Variants in GBF1 observed in about 807,000 individuals in gnomAD.
GBF1 encodes Golgi-specific brefeldin A-resistance guanine nucleotide exchange factor 1.
Under a neutral mutation model 210.5 loss-of-function variants are expected in GBF1, and 114 were observed. The ratio of observed to expected loss-of-function variants is 0.54; its 90% confidence interval spans 0.47 to 0.63. The LOEUF (loss-of-function observed/expected upper bound fraction) is 0.63, where lower values mean the gene tolerates loss of function less well. GBF1 is among the 30% of genes least tolerant of loss of function. The probability of loss-of-function intolerance (pLI) is 0.00; values close to 1 mark genes in which losing one functional copy is unlikely to be tolerated. For synonymous variants in GBF1, 850 were observed against 889.2 expected (o/e 0.96, Z 0.78); for missense variants, 1,851 against 2,357.7 (o/e 0.79, Z 4.45).
At chr10:102,287,659 A>G (rs576203989) in intron 3 of GBF1, among the ~76,000 whole-genome samples, 53 of 152,280 alleles carry the variant, frequency 3.5e-4, no homozygotes, top group African/African-American at 1.3e-3. Context: ...AGTTCCTCAC[A>G]ATGTGGGCCT....
intron 4 of GBF1, among the ~76,000 whole-genome samples, chr10:102,348,472 A>G (rs1030863049): frequency 6.6e-6 from 1 of 152,246 alleles, no homozygotes; most frequent in African/African-American, 2.4e-5. Context: ...GATGGGAACA[A>G]GGCTACTATT....
rs750838985 is a variant in GBF1 at position 102,366,298 on chromosome 10, A to T, written c.2310-85A>T. On this transcript the variant is annotated intron_variant, in intron 18 of 39. Coordinates refer to ENST00000369983, the MANE Select transcript of GBF1 (RefSeq NM_001377137.1). This position sits in a 1 kb window ranked among gnomAD's most constrained non-coding sequence, Gnocchi z 4.0. ...CCTCAGCCTCCTCTCTTCCAGTAAGAGTAGGTTAGGAGGACAGTGACTAAA... is the reference window on the plus strand; with the variant it reads ...CCTCAGCCTCCTCTCTTCCAGTAAGTGTAGGTTAGGAGGACAGTGACTAAA... 4.9e-6 allele frequency: 7 copies of T among 1,441,412 alleles called. No homozygotes were observed. In the Admixed American group the frequency reaches 5.2e-5, roughly 11 times the overall value. The allele number at this position is 1,441,412 out of a possible 1,614,324, so 89.3% of individuals were successfully genotyped here.
chr10:102,283,967 C>T (rs1307520423), intron 3 of GBF1, among the ~76,000 whole-genome samples: 1 of 152,150 alleles, frequency 6.6e-6, no homozygotes, highest in Non-Finnish European at 1.5e-5. Flanking sequence ...TTCAGTGAGC[C>T]TCCAGTGGGA....
At chr10:102,359,502 G>A in intron 11 of GBF1, 67 bp downstream of exon 11, 1 of 1,245,974 alleles carries the variant, frequency 8.0e-7, no homozygotes, top group South Asian at 1.2e-5. Context: ...CCTGAGCCTA[G>A]ACCGTCTTAA....
chr10:102,319,164 A>G (rs1409650074), intron 3 of GBF1, among the ~76,000 whole-genome samples: 1 of 152,060 alleles, frequency 6.6e-6, no homozygotes, highest in Admixed American at 6.6e-5. Flanking sequence ...AAAAATACAA[A>G]ACAAAATTAG....
At chr10:102,337,196 G>A (rs975791279) in intron 3 of GBF1, among the ~76,000 whole-genome samples, 19 of 151,798 alleles carry the variant, frequency 1.3e-4, no homozygotes, top group African/African-American at 4.6e-4. Context: ...GGCTAACGCG[G>A]CGAAACCCCA....
intron 33 of GBF1, among the ~76,000 whole-genome samples, chr10:102,378,555 T>C (rs945764707): frequency 2.0e-5 from 3 of 152,194 alleles, no homozygotes; most frequent in East Asian, 1.9e-4. Context: ...GGAGGATTTC[T>C]TGAGCCTAGG....
At chr10:102,338,740 A>T (rs1015341356) in intron 3 of GBF1, among the ~76,000 whole-genome samples, 1 of 151,954 alleles carries the variant, frequency 6.6e-6, no homozygotes, top group Admixed American at 6.6e-5. Flanking sequence ...TGAGGTTGGG[A>T]GTTTGAGACC....
chr10:102,368,329 G>T lies in GBF1; in HGVS notation c.2754G>T (p.Val918=). Reference sequence around the variant, plus strand: ...CCCCTGAGGGCATATTCCTGCGTGTGCCTACTGCCAGCTATGATCTTGACC... The same window carrying T: ...CCCCTGAGGGCATATTCCTGCGTGTTCCTACTGCCAGCTATGATCTTGACC... ...GATPEGIFLR[V]PTASYDLDLF... is the part of the protein sequence containing the mutation. Residue 918 remains valine, a synonymous_variant, in exon 22 of 40, where the codon GTG becomes GTT. Coordinates refer to ENST00000369983, the MANE Select transcript of GBF1 (RefSeq NM_001377137.1). 6.2e-7 allele frequency: 1 copy of T among 1,613,646 alleles called. No individual in the cohort carries two copies. The highest frequency in any genetic ancestry group is 1.1e-5 in the South Asian group (1 of 91,070).
Position 102,367,220 on chromosome 10 carries a change from G to A in GBF1, c.2559+10G>A, listed in dbSNP as rs1326947931. On this transcript the variant is annotated intron_variant, in intron 20 of 39. Coordinates refer to ENST00000369983, the MANE Select transcript of GBF1 (RefSeq NM_001377137.1). Reference sequence around the variant, plus strand: ...ACCCATGACCCTGGAGGTAAGCTTGGGTCCCAGTCAAGGCAAAGAAGACCC... The same window carrying A: ...ACCCATGACCCTGGAGGTAAGCTTGAGTCCCAGTCAAGGCAAAGAAGACCC... 2.5e-6 allele frequency: 4 copies of A among 1,613,578 alleles called. No homozygotes were observed. The highest frequency in any genetic ancestry group is 3.4e-6 in the Non-Finnish European group (4 of 1,179,740).
At chr10:102,300,976 C>CTTTTTT (rs11413620) in intron 3 of GBF1, among the ~76,000 whole-genome samples, 9 of 136,226 alleles carry the variant, frequency 6.6e-5, no homozygotes, top group African/African-American at 8.2e-5. Context: ...ATTTTCTTTT[C>CTTTTTT]TTTTTTTTTT....
At chr10:102,346,659 C>T (rs1222554222) in intron 4 of GBF1, among the ~76,000 whole-genome samples, 1 of 152,180 alleles carries the variant, frequency 6.6e-6, no homozygotes, top group African/African-American at 2.4e-5. Flanking sequence ...AGGCACACGC[C>T]ACCACACCCA....
At chr10:102,308,619 G>A (rs971550856) in intron 3 of GBF1, among the ~76,000 whole-genome samples, 3 of 150,488 alleles carry the variant, frequency 2.0e-5, no homozygotes, top group South Asian at 2.1e-4. Context: ...GTAAACTATC[G>A]CAAGGACAAA....
rs780572774 is a variant in GBF1, at chr10:102,302,379, A to G, written c.164-41672A>G. On this transcript the variant is annotated intron_variant, in intron 3 of 39. Coordinates refer to ENST00000369983, the MANE Select transcript of GBF1 (RefSeq NM_001377137.1). Reference sequence around the variant, plus strand: ...ATTGTATACTTTAAAGGAGTGAACTATATCTCAATATATAAGGGGTGAGTT... The same window carrying G: ...ATTGTATACTTTAAAGGAGTGAACTGTATCTCAATATATAAGGGGTGAGTT... Among the ~76,000 whole-genome samples the G allele has an allele frequency of 7.9e-5, 12 of 152,230 alleles. 1 individual carries two copies. Among genetic ancestry groups the G allele is most frequent in the Non-Finnish European group, 1.5e-4 (10 of 68,042 alleles).
At chr10:102,231,554 G>A in the GBF1 span, 7 of 1,428,830 alleles carry the variant, frequency 4.9e-6, no homozygotes, top group Non-Finnish European at 4.8e-6. Flanking sequence ...CGGAGGGCCC[G>A]CGCGGGTGCG....
At chr10:102,321,350 A>C (rs998675293) in intron 3 of GBF1, among the ~76,000 whole-genome samples, 5 of 151,152 alleles carry the variant, frequency 3.3e-5, no homozygotes, top group Non-Finnish European at 5.9e-5. Context: ...AAGTGTATTA[A>C]TTTGCATCTT....
chr10:102,297,157 A>T (rs963306452), intron 3 of GBF1, among the ~76,000 whole-genome samples: 1 of 152,262 alleles, frequency 6.6e-6, no homozygotes, highest in African/African-American at 2.4e-5. Flanking sequence ...TTGGTCCCCA[A>T]GTGACATTTC....
At chr10:102,332,532 C>T (rs1218383491) in intron 3 of GBF1, among the ~76,000 whole-genome samples, 1 of 151,986 alleles carries the variant, frequency 6.6e-6, no homozygotes, top group Non-Finnish European at 1.5e-5. Flanking sequence ...TACAGGTGCG[C>T]ACCACCATGC....
upstream of GBF1, among the ~76,000 whole-genome samples, chr10:102,243,986 C>T (rs2070627659): frequency 1.3e-5 from 2 of 152,052 alleles, no homozygotes; most frequent in South Asian, 4.2e-4. Context: ...AAAAATTAGC[C>T]TGGTGTGGTG....
Sources: gnomAD v4.1 joint callset for allele counts (sites outside exome capture counted in the v4.1 genomes callset) on GRCh38, gnomAD v4.1.1 for gene constraint, Gnocchi (gnomAD v3.1) non-coding constraint, MANE v1.5 for transcripts, NCBI Gene and HGNC (gene_info 2026-07-23, HGNC 2026-07-21) for gene names.